The following DMD variants were observed in gnomAD, a reference collection of about 807,000 sequenced individuals.
DMD encodes the protein dystrophin, also known as mutant dystrophin.
A neutral mutation model predicts 330.1 loss-of-function variants in DMD; 63 were observed. The ratio of observed to expected loss-of-function variants is 0.19; its 90% CI spans 0.16 to 0.24. DMD has a LOEUF of 0.24. DMD is among the 10% of genes least tolerant of loss of function. DMD has a pLI of 1.00. For synonymous variants in DMD, 1,223 were observed against 959.8 expected, an observed-to-expected ratio of 1.27 and a Z score of -5.07; for missense variants, 3,344 against 2,684.1, an observed-to-expected ratio of 1.25 and a Z score of -5.43.
chrX:31,806,775 C>T (rs1298721613), intron 50 of DMD, among the ~76,000 whole-genome samples: 1 of 112,530 alleles, frequency 8.9e-6, no homozygotes, highest in African/African-American at 3.2e-5. Flanking sequence ...TAAATTCCAG[C>T]CAAGAAGCAT....
intron 50 of DMD, among the ~76,000 whole-genome samples, chrX:31,779,685 T>TTG (rs34110475): frequency 0.086 from 8,574 of 99,969 alleles, 381 homozygotes; most frequent in East Asian, 0.23. Context: ...GATACACACA[T>TTG]TGTGTGTGTG....
intron 1 of DMD, among the ~76,000 whole-genome samples, chrX:33,135,525 CA>C (rs1250952759): frequency 8.9e-6 from 1 of 112,035 alleles, no homozygotes; most frequent in African/African-American, 3.2e-5. Flanking sequence ...ATAAAAAAAT[CA>C]CATTCTTATG....
At chrX:32,158,387 G>A (rs1171737501) in intron 44 of DMD, among the ~76,000 whole-genome samples, 2 of 110,358 alleles carry the variant, frequency 1.8e-5, no homozygotes, top group African/African-American at 6.6e-5. Context: ...AAAGAAAAAT[G>A]CATCGAAAGT....
chrX:32,588,482 C>A (rs1315036530), intron 13 of DMD, among the ~76,000 whole-genome samples: 1 of 112,002 alleles, frequency 8.9e-6, no homozygotes, highest in Non-Finnish European at 1.9e-5. Context: ...GAATCAAATG[C>A]AGGTTGAGGG....
intron 62 of DMD, among the ~76,000 whole-genome samples, chrX:31,302,246 TCA>T (rs769884807): frequency 5.4e-5 from 6 of 111,257 alleles, no homozygotes; most frequent in Non-Finnish European, 9.4e-5. Flanking sequence ...GCAAGAAAAA[TCA>T]CAGTCTAAGG....
chrX:31,565,544 T>C (rs1213081810), intron 55 of DMD, among the ~76,000 whole-genome samples: 1 of 112,186 alleles, frequency 8.9e-6, no homozygotes, highest in African/African-American at 3.2e-5. Context: ...CAACCATTCA[T>C]TGTTGACCGT....
chrX:32,323,960 AT>A (rs199664329), intron 41 of DMD, among the ~76,000 whole-genome samples: 117 of 110,220 alleles, frequency 1.1e-3, no homozygotes, highest in African/African-American at 3.4e-3. Flanking sequence ...AGAATATGTG[AT>A]TTTTTTTTAT....
At chrX:32,320,696 C>T (rs1405398782) in intron 41 of DMD, among the ~76,000 whole-genome samples, 2 of 111,820 alleles carry the variant, frequency 1.8e-5, no homozygotes, top group Non-Finnish European at 3.8e-5. Context: ...CTAATGAGCA[C>T]TCAATTAATA....
At chrX:32,887,673 G>A (rs923500242) in intron 2 of DMD, among the ~76,000 whole-genome samples, 5 of 99,182 alleles carry the variant, frequency 5.0e-5, no homozygotes, top group East Asian at 3.4e-4. Flanking sequence ...ACTGGAGCCC[G>A]GAAGGTGGAG....
intron 44 of DMD, among the ~76,000 whole-genome samples, chrX:31,975,252 C>A (rs917029247): frequency 8.9e-6 from 1 of 111,764 alleles, no homozygotes; most frequent in African/African-American, 3.2e-5. Flanking sequence ...AGCATTCAAT[C>A]ATTCTGTAAA....
intron 62 of DMD, among the ~76,000 whole-genome samples, chrX:31,306,592 T>C (rs1334179231): frequency 8.9e-6 from 1 of 112,073 alleles, no homozygotes; most frequent in African/African-American, 3.2e-5. Flanking sequence ...AATTATTTTA[T>C]CATTTCTCTA....
intron 44 of DMD, among the ~76,000 whole-genome samples, chrX:32,061,238 G>T (rs2096222487): frequency 9.1e-6 from 1 of 110,493 alleles, no homozygotes; most frequent in Admixed American, 9.7e-5. Flanking sequence ...AAGACAGGTG[G>T]GTCAGGCTAG....
chrX:33,007,633 G>C (rs5928143), intron 2 of DMD, among the ~76,000 whole-genome samples: 3,887 of 110,888 alleles, frequency 0.035, 126 homozygotes, highest in East Asian at 0.2. Context: ...TCCCTCTTTG[G>C]TTTAGCTCGC....
At chrX:32,099,617 T>C (rs1426234983) in intron 44 of DMD, among the ~76,000 whole-genome samples, 1 of 108,039 alleles carries the variant, frequency 9.3e-6, no homozygotes, top group East Asian at 3.0e-4. Context: ...CTGGAATACA[T>C]CATTCTCAGT....
Position 31,786,860 on chromosome X carries a change from T to C in DMD, c.7310-12668A>G, listed in dbSNP as rs1033618318. Among the ~76,000 whole-genome samples the C allele has an allele frequency of 8.0e-5, 9 of 111,842 alleles. No individual in the cohort carries two copies. In the East Asian group the frequency reaches 1.1e-3, roughly 14 times the overall value. ...GCCTCAGTAGCAACTGCAGTGTGGA[T>C]GAGCTTTTCTCTCTGCCCAATACTG... On this transcript the variant is annotated intron_variant, in intron 50 of 78. Transcript: ENST00000357033.
rs750263324 is a variant in DMD at position 32,468,525 on chromosome X, C to A, written c.3135G>T (p.Glu1045Asp). 8 of 1,208,752 alleles carry A rather than the reference C, an allele frequency of 6.6e-6. No individual in the cohort carries two copies. The highest frequency in any genetic ancestry group is 7.8e-6 in the Non-Finnish European group (7 of 893,799). ...QLVEHCQKLE[E>D]QMNKLRKIQN... ...GAATTTTTCGGAGTTTATTCATTTG[C>A]TCCTCTAGCTTTTGACAATGCTCAA... Residue 1045 changes from glutamate (E) to aspartate (D), a missense_variant, in exon 23 of 79, where the codon GAG (glutamate) becomes GAT (aspartate). Transcript: ENST00000357033.
intron 64 of DMD, among the ~76,000 whole-genome samples, chrX:31,220,787 C>G (rs759649043): frequency 1.7e-4 from 19 of 110,573 alleles, no homozygotes; most frequent in Non-Finnish European, 3.6e-4. Context: ...TTCCTTGACT[C>G]CCTTTCACCC....
chrX:32,376,570 A>G (rs1012774), intron 34 of DMD, among the ~76,000 whole-genome samples: 14,933 of 111,115 alleles, frequency 0.13, 847 homozygotes, highest in African/African-American at 0.2. Flanking sequence ...TAATTAAATA[A>G]CATAATCTAG....
intron 55 of DMD, among the ~76,000 whole-genome samples, chrX:31,597,403 C>G (rs1018077328): frequency 2.7e-5 from 3 of 111,327 alleles, no homozygotes; most frequent in African/African-American, 9.8e-5. Flanking sequence ...CATGCATGCT[C>G]TGCACCCAGA....
Sources: allele counts gnomAD v4.1 joint callset (sites outside exome capture counted in the v4.1 genomes callset), GRCh38; gene constraint gnomAD v4.1.1; transcripts MANE v1.5; gene names NCBI Gene and HGNC (gene_info 2026-07-23, HGNC 2026-07-21).